Variants in STIM1 observed in about 807,000 individuals in gnomAD.
The protein encoded by STIM1 is stromal interaction molecule 1.
In STIM1, 25 loss-of-function variants were observed where a neutral mutation model predicts 74.7. The ratio of observed to expected loss-of-function variants is 0.33; its 90% CI spans 0.24 to 0.47. STIM1 has a LOEUF of 0.47. Among genes scored for constraint, STIM1 ranks in the 20% least tolerant of loss-of-function variants. STIM1 has a pLI of 1.00. For synonymous variants in STIM1, 328 were observed against 348.8 expected (o/e 0.94, Z 0.66); for missense variants, 728 against 920.8 (o/e 0.79, Z 2.71).
At chr11:4,052,805 T>A (rs1229341151) in intron 3 of STIM1, among the ~76,000 whole-genome samples, 1 of 152,110 alleles carries the variant, frequency 6.6e-6, no homozygotes, top group East Asian at 1.9e-4. Context: ...ACAGGCAACC[T>A]ACAGAATGGG....
intron 12 of STIM1, among the ~76,000 whole-genome samples, chr11:4,087,298 T>C (rs2133245370): frequency 6.6e-6 from 1 of 152,244 alleles, no homozygotes; most frequent in South Asian, 2.1e-4. Flanking sequence ...TAAATAATTA[T>C]GGAAAAATTT....
At chr11:3,930,599 A>G (rs1030844505) in intron 1 of STIM1, among the ~76,000 whole-genome samples, 3 of 152,216 alleles carry the variant, frequency 2.0e-5, no homozygotes, top group African/African-American at 7.2e-5. Flanking sequence ...AGTGAACCCA[A>G]GTCAGATAGT....
intron 2 of STIM1, among the ~76,000 whole-genome samples, chr11:4,016,489 C>A (rs570001425): frequency 6.6e-6 from 1 of 152,220 alleles, no homozygotes; most frequent in Admixed American, 6.5e-5. Flanking sequence ...GTCTCCCAGT[C>A]AGGCTACACG....
intron 1 of STIM1, among the ~76,000 whole-genome samples, chr11:3,926,416 TATAAA>T (rs1256922210): frequency 6.6e-6 from 1 of 152,234 alleles, no homozygotes; most frequent in East Asian, 1.9e-4. Flanking sequence ...TAAAAACAAT[TATAAA>T]ATAAGAGTTT....
chr11:3,949,126 C>CAGGGACTATAAGAGCACAGAAG (rs1158261273), intron 1 of STIM1, among the ~76,000 whole-genome samples: 1 of 152,124 alleles, frequency 6.6e-6, no homozygotes, highest in Non-Finnish European at 1.5e-5. Context: ...CAGAGAAGCA[C>CAGGGACTATAAGAGCACAGAAG]AGGGACTATA....
chr11:3,906,055 C>T (rs2092460327), intron 1 of STIM1, among the ~76,000 whole-genome samples: 1 of 152,206 alleles, frequency 6.6e-6, no homozygotes, highest in Admixed American at 6.5e-5. Flanking sequence ...TAACTTCTTA[C>T]CAGGGCCCCT....
At chr11:3,859,302 A>G (rs529951554) in intron 1 of STIM1, among the ~76,000 whole-genome samples, 1 of 152,310 alleles carries the variant, frequency 6.6e-6, no homozygotes, top group Admixed American at 6.5e-5. Flanking sequence ...TGGAGAGGCC[A>G]TTCCTGTCAC....
intron 1 of STIM1, among the ~76,000 whole-genome samples, chr11:3,925,106 T>C (rs1258020057): frequency 6.6e-6 from 1 of 152,194 alleles, no homozygotes; most frequent in Non-Finnish European, 1.5e-5. Flanking sequence ...TTTAAAAATA[T>C]TGCTTTCCAG....
chr11:3,855,267 A>C (rs1053127017), upstream of STIM1: 1 of 152,296 alleles, frequency 6.6e-6, no homozygotes, highest in Admixed American at 6.5e-5. Context: ...CTGTTTAGAC[A>C]GCTCTAGAAC....
chr11:4,045,382 A>G (rs897962028), intron 3 of STIM1, among the ~76,000 whole-genome samples: 1 of 151,928 alleles, frequency 6.6e-6, no homozygotes, highest in African/African-American at 2.4e-5. Flanking sequence ...AAATGATAAC[A>G]TCTGCAATGC....
intron 1 of STIM1, chr11:3,892,904 C>T: frequency 7.3e-7 from 1 of 1,375,174 alleles, no homozygotes; most frequent in Non-Finnish European, 1.0e-6. Context: ...TAGTACGGGG[C>T]TCCCGGCAGC....
intron 3 of STIM1, among the ~76,000 whole-genome samples, chr11:4,040,232 C>G (rs1214982673): frequency 1.3e-5 from 2 of 152,130 alleles, no homozygotes; most frequent in Admixed American, 6.5e-5. Flanking sequence ...CTTCTATATA[C>G]TAGGCATTGT....
In STIM1 at chr11:3,967,568, C is replaced by G; in HGVS notation, c.156C>G (p.Asp52Glu). Residue 52 changes from aspartate (D) to glutamate (E), a missense_variant, in exon 2 of 13, where the codon GAC (aspartate) becomes GAG (glutamate). This residue lies in a region of STIM1 where 51 missense variants were observed against 101.1 expected (regional missense o/e 0.50). Transcript: ENST00000526596. ...ESTAAEFCRI[D>E]KPLCHSEDEK... ...CTTACACAGAGTTTTGCCGAATTGA[C>G]AAGCCCCTGTGTCACAGTGAGGATG... The G allele has an allele frequency of 1.2e-6, 2 of 1,614,172 alleles. No homozygotes were observed. Among genetic ancestry groups the G allele is most frequent in the Non-Finnish European group, 1.7e-6 (2 of 1,180,030 alleles).
intron 1 of STIM1, among the ~76,000 whole-genome samples, chr11:3,924,186 ATCTTTTTTTTTCTTT>A (rs1201622992): frequency 1.4e-5 from 2 of 145,964 alleles, no homozygotes; most frequent in African/African-American, 2.6e-5. Flanking sequence ...GGTCTTATAT[ATCTTTTTTTTTCTTT>A]TCTTTTTTTT....
chr11:3,996,262 A>G (rs761158504), intron 2 of STIM1, among the ~76,000 whole-genome samples: 3 of 152,052 alleles, frequency 2.0e-5, no homozygotes, highest in Admixed American at 1.3e-4. Context: ...GGAGCTGAGG[A>G]CTTGGTGGAG....
At chr11:3,858,161 G>C (rs1789019581) in intron 1 of STIM1, among the ~76,000 whole-genome samples, 1 of 152,058 alleles carries the variant, frequency 6.6e-6, no homozygotes, top group Non-Finnish European at 1.5e-5. Context: ...TTGGAGAGTG[G>C]GTGTTCTATA....
chr11:3,904,594 T>C (rs1156511471), intron 1 of STIM1, among the ~76,000 whole-genome samples: 1 of 152,178 alleles, frequency 6.6e-6, no homozygotes, highest in East Asian at 1.9e-4. Flanking sequence ...GTGCTTAGAA[T>C]GTATAGATTA....
chr11:3,867,488 T>C (rs1187997934), intron 1 of STIM1: 2 of 152,268 alleles, frequency 1.3e-5, no homozygotes, highest in East Asian at 1.9e-4. Flanking sequence ...GAACTTTCAC[T>C]ACTTTGCTGA....
intron 12 of STIM1, chr11:4,088,496 T>G: frequency 1.8e-6 from 1 of 544,124 alleles, no homozygotes; most frequent in Non-Finnish European, 3.4e-6. Flanking sequence ...TCCATTCTCA[T>G]TCTCATTTTC....
Sources: allele counts gnomAD v4.1 joint callset (sites outside exome capture counted in the v4.1 genomes callset), GRCh38; gene constraint gnomAD v4.1.1; regional missense constraint gnomAD v4.1.1; transcripts MANE v1.5; gene names NCBI Gene and HGNC (gene_info 2026-07-23, HGNC 2026-07-21).